ZNF366: variants seen among roughly 807,000 people sequenced by gnomAD.
ZNF366 encodes zinc finger protein 366.
A neutral mutation model predicts 47.2 loss-of-function variants in ZNF366; 20 were observed. The observed-to-expected ratio is 0.42, with a 90% CI of 0.30 to 0.62. ZNF366 has a LOEUF of 0.62. ZNF366 is among the 20% of genes least tolerant of loss of function. The probability of loss-of-function intolerance (pLI) is 0.16; values close to 1 mark genes in which losing one functional copy is unlikely to be tolerated. For synonymous variants in ZNF366, 421 were observed against 395.1 expected (o/e 1.07, Z -0.78); for missense variants, 987 against 976.3 (o/e 1.01, Z -0.15).
chr5:72,472,019 C>T (rs1254915129), intron 1 of ZNF366, among the ~76,000 whole-genome samples: 2 of 152,300 alleles, frequency 1.3e-5, no homozygotes, highest in East Asian at 3.9e-4. Flanking sequence ...ATGACCTAGG[C>T]TTGTATCATC....
intron 1 of ZNF366, among the ~76,000 whole-genome samples, chr5:72,504,767 T>C (rs1203179873): frequency 6.6e-6 from 1 of 152,226 alleles, no homozygotes; most frequent in Non-Finnish European, 1.5e-5. Flanking sequence ...TTAAAAAATA[T>C]ATAACTGACA....
intron 1 of ZNF366, among the ~76,000 whole-genome samples, chr5:72,478,173 A>C (rs1743713232): frequency 6.6e-6 from 1 of 152,164 alleles, no homozygotes; most frequent in Non-Finnish European, 1.5e-5. Flanking sequence ...TGAGCTGGGC[A>C]GTGAAAGAGG....
intron 3 of ZNF366, among the ~76,000 whole-genome samples, chr5:72,450,168 A>C (rs1743037025): frequency 6.6e-6 from 1 of 152,200 alleles, no homozygotes; most frequent in African/African-American, 2.4e-5. Context: ...CACAAAGATA[A>C]AGTCTCTTCA....
chr5:72,444,356 G>A, intron 4 of ZNF366, 65 bp from the exon 5 acceptor site: 1 of 1,534,226 alleles, frequency 6.5e-7, no homozygotes. Context: ...CCTTGAGGAA[G>A]GGGAGCAGCC....
chr5:72,506,964 G>T (rs1744331580), intron 1 of ZNF366, among the ~76,000 whole-genome samples: 3 of 152,144 alleles, frequency 2.0e-5, no homozygotes, highest in Non-Finnish European at 4.4e-5. Flanking sequence ...CACGCCAGTG[G>T]CTCCTGGTTC....
chr5:72,492,192 G>A (rs2112352127), intron 1 of ZNF366, among the ~76,000 whole-genome samples: 1 of 152,300 alleles, frequency 6.6e-6, no homozygotes, highest in East Asian at 1.9e-4. Context: ...ATCCCAGTGG[G>A]TAGACATGGG....
intron 3 of ZNF366, among the ~76,000 whole-genome samples, chr5:72,449,648 T>C (rs1316849104): frequency 2.6e-5 from 4 of 152,226 alleles, no homozygotes; most frequent in Non-Finnish European, 5.9e-5. Context: ...TTATTTGGAG[T>C]GAAGCTGCTG....
Position 72,456,533 on chromosome 5 carries a change from C to T in ZNF366, c.1395G>A (p.Lys465=), listed in dbSNP as rs567632010. The change falls in exon 3 of 5, where the codon AAG becomes AAA. Residue 465 remains lysine (K), a synonymous_variant. Transcript: ENST00000318442. The part of the protein sequence containing the change: ...GREFTLLANM[K]RHVLIHTNIR... The stretch of plus-strand genomic sequence containing the variant: ...TGTTGGTGTGGATCAGCACGTGTCG[C>T]TTCATGTTGGCCAGCAGGGTGAACT... 1.2e-6 allele frequency: 2 copies of T among 1,613,444 alleles called. No individual in the cohort carries two copies. The highest frequency in any genetic ancestry group is 2.2e-5 in the South Asian group (2 of 91,030).
At chr5:72,465,569 C>T (rs1409709702) in intron 1 of ZNF366, among the ~76,000 whole-genome samples, 3 of 152,132 alleles carry the variant, frequency 2.0e-5, no homozygotes, top group Admixed American at 6.5e-5. Context: ...TGACAGGATT[C>T]TTATGCAGGA....
chr5:72,458,012 CTTTTTTTTTTTT>C (rs1228705988), intron 2 of ZNF366, among the ~76,000 whole-genome samples: 53 of 97,042 alleles, frequency 5.5e-4, no homozygotes, highest in African/African-American at 8.7e-4. Flanking sequence ...TAGCATCTTT[CTTTTTTTTTTTT>C]TTTTTTTTTT....
Position 72,442,996 on chromosome 5 carries a change from C to G in ZNF366, c.*760G>C, listed in dbSNP as rs1202020996. On this transcript the variant is annotated 3_prime_UTR_variant, in exon 5 of 5. Coordinates refer to ENST00000318442, the MANE Select transcript of ZNF366 (RefSeq NM_152625.3). ...TCTTATGGGGCATGAGGCCTCAGAG[C>G]AAGACAGCAATGGTCTCCAGGAGGG... The G allele has an allele frequency of 6.6e-6, 1 of 152,228 alleles. No individual in the cohort carries two copies. Among genetic ancestry groups the G allele is most frequent in the Admixed American group, 6.5e-5 (1 of 15,282 alleles). 9.4% of individuals were successfully genotyped at this position (152,228 alleles called of 1,614,324 possible). A position where few individuals can be genotyped will look rare whatever the true frequency, so the allele number is the denominator to read the frequency against.
At chr5:72,504,506 T>C (rs1744283849) in intron 1 of ZNF366, among the ~76,000 whole-genome samples, 1 of 152,230 alleles carries the variant, frequency 6.6e-6, no homozygotes, top group African/African-American at 2.4e-5. Context: ...TGAAGCTAAA[T>C]CTGCCATTTC....
chr5:72,452,944 C>T (rs577057091), intron 3 of ZNF366, among the ~76,000 whole-genome samples: 21 of 152,136 alleles, frequency 1.4e-4, no homozygotes, highest in South Asian at 4.1e-4. Context: ...TGGAAAAACT[C>T]CAGCTGGCTC....
rs546599462 is a variant in ZNF366, at chr5:72,442,553, C to T, written c.*1203G>A. On this transcript the variant is annotated 3_prime_UTR_variant, in exon 5 of 5. Coordinates refer to ENST00000318442, the MANE Select transcript of ZNF366 (RefSeq NM_152625.3). ...TTCTAGTACCCCAAATAAGTCAGAG[C>T]TTAGATTTCTGGGAGAATTCTCTGA... 7.2e-5 allele frequency: 11 copies of T among 152,028 alleles called. No homozygotes were observed. The highest frequency in any genetic ancestry group is 2.7e-4 in the African/African-American group (11 of 41,428). The allele number at this position is 152,028 out of a possible 1,614,324, so 9.4% of individuals were successfully genotyped here. A position where few individuals can be genotyped will look rare whatever the true frequency, so the allele number is the denominator to read the frequency against.
chr5:72,479,236 A>C (rs925696934), intron 1 of ZNF366, among the ~76,000 whole-genome samples: 1 of 152,106 alleles, frequency 6.6e-6, no homozygotes, highest in Non-Finnish European at 1.5e-5. Flanking sequence ...AAAAGTCAGA[A>C]ACTAGGAAGG....
intron 3 of ZNF366, among the ~76,000 whole-genome samples, chr5:72,453,958 T>C (rs1743130000): frequency 1.3e-5 from 2 of 152,204 alleles, no homozygotes; most frequent in African/African-American, 4.8e-5. Flanking sequence ...TGACCTCTAG[T>C]GAGGTCTCCT....
intron 3 of ZNF366, among the ~76,000 whole-genome samples, chr5:72,454,015 C>T (rs974255407): frequency 3.3e-5 from 5 of 152,230 alleles, no homozygotes; most frequent in Non-Finnish European, 7.3e-5. Flanking sequence ...AATGACCAGT[C>T]CAATTCCTGT....
intron 3 of ZNF366, among the ~76,000 whole-genome samples, chr5:72,452,532 C>T (rs943201555): frequency 5.3e-5 from 8 of 152,192 alleles, no homozygotes; most frequent in African/African-American, 9.7e-5. Context: ...CCCCTCAAAG[C>T]CCCCCATCTG....
At chr5:72,495,834 C>T (rs767853732) in intron 1 of ZNF366, among the ~76,000 whole-genome samples, 11 of 152,182 alleles carry the variant, frequency 7.2e-5, no homozygotes, top group South Asian at 2.1e-4. Flanking sequence ...AACCACCCCA[C>T]CCCACCCTGG....
Sources: allele counts gnomAD v4.1 joint callset (sites outside exome capture counted in the v4.1 genomes callset), GRCh38; gene constraint gnomAD v4.1.1; transcripts MANE v1.5; gene names NCBI Gene and HGNC (gene_info 2026-07-23, HGNC 2026-07-21).